GRAMD2B: variants seen among roughly 807,000 people sequenced by gnomAD.
GRAMD2B encodes GRAM domain containing 2B.
GRAMD2B carries 41 observed loss-of-function variants against 59.2 expected under a neutral mutation model. The ratio of observed to expected loss-of-function variants is 0.69; its 90% CI spans 0.54 to 0.90. GRAMD2B has a LOEUF of 0.90. Ranked by LOEUF, GRAMD2B falls within the 40% of genes least tolerant of loss-of-function variation. GRAMD2B has a pLI of 0.00. For missense variants in GRAMD2B, 424 were observed against 500.5 expected (o/e 0.85, Z 1.46); for synonymous variants, 161 against 182.7 (o/e 0.88, Z 0.96).
intron 5 of GRAMD2B, among the ~76,000 whole-genome samples, chr5:126,477,396 A>G (rs185663106): frequency 1.6e-4 from 24 of 152,350 alleles, no homozygotes; most frequent in African/African-American, 4.3e-4. Flanking sequence ...CTTATCTTTA[A>G]AATGAATACA....
chr5:126,436,862 G>T (rs1216696669), intron 1 of GRAMD2B, among the ~76,000 whole-genome samples: 1 of 152,182 alleles, frequency 6.6e-6, no homozygotes, highest in Non-Finnish European at 1.5e-5. Flanking sequence ...GGAGTCAGTT[G>T]CCTACTCTGC....
chr5:126,491,207 G>A (rs1773866681), intron 13 of GRAMD2B, among the ~76,000 whole-genome samples: 1 of 152,132 alleles, frequency 6.6e-6, no homozygotes, highest in Non-Finnish European at 1.5e-5. Context: ...GATTTGGGAT[G>A]TCAGTTCTTT....
chr5:126,430,277 C>T (rs1363407287), intron 1 of GRAMD2B, among the ~76,000 whole-genome samples: 2 of 152,082 alleles, frequency 1.3e-5, no homozygotes, highest in African/African-American at 2.4e-5. Context: ...CATATGTAGC[C>T]GTCATTGGTC....
At chr5:126,429,924 C>T (rs1430239089) in intron 1 of GRAMD2B, among the ~76,000 whole-genome samples, 2 of 152,228 alleles carry the variant, frequency 1.3e-5, no homozygotes, top group African/African-American at 4.8e-5. Flanking sequence ...TCCAATACTT[C>T]TATCCATCAT....
intron 1 of GRAMD2B, among the ~76,000 whole-genome samples, chr5:126,455,649 G>A (rs1561548572): frequency 6.6e-6 from 1 of 152,200 alleles, no homozygotes; most frequent in East Asian, 1.9e-4. Context: ...AGTAATGAAA[G>A]TTTTGATTTC....
At chr5:126,437,132 G>A (rs1337812337) in intron 1 of GRAMD2B, among the ~76,000 whole-genome samples, 2 of 152,206 alleles carry the variant, frequency 1.3e-5, no homozygotes, top group Non-Finnish European at 2.9e-5. Context: ...ATATAGCCAG[G>A]TTTGAGTTTT....
At chr5:126,386,523 C>A (rs889901945) in intron 1 of GRAMD2B, among the ~76,000 whole-genome samples, 10 of 152,306 alleles carry the variant, frequency 6.6e-5, no homozygotes, top group Middle Eastern at 3.4e-3. Context: ...CAGGGACTTT[C>A]ATGAGGTGGA....
chr5:126,488,053 C>T (rs1351395575), intron 12 of GRAMD2B, among the ~76,000 whole-genome samples: 1 of 152,148 alleles, frequency 6.6e-6, no homozygotes, highest in Non-Finnish European at 1.5e-5. Context: ...CTGTGTTATA[C>T]CATTCTAGGA....
At chr5:126,423,721 A>G in intron 1 of GRAMD2B, 32 bp downstream of exon 1, 1 of 1,572,012 alleles carries the variant, frequency 6.4e-7, no homozygotes, top group South Asian at 1.2e-5. Context: ...CCATCCAAGG[A>G]GGTGGGAGGA....
chr5:126,463,010 A>G (rs1010985956), intron 1 of GRAMD2B, among the ~76,000 whole-genome samples: 6 of 152,232 alleles, frequency 3.9e-5, no homozygotes, highest in African/African-American at 1.4e-4. Flanking sequence ...AAACAGGACC[A>G]CCTTATGTGG....
rs983331110 is a variant in GRAMD2B, at chr5:126,466,273, G to C, written c.203+728G>C. 3 of 1,547,092 alleles carry C rather than the reference G, an allele frequency of 1.9e-6. No homozygotes were observed. The South Asian group carries it at 3.6e-5, about 19-fold the overall frequency. On this transcript the variant is annotated intron_variant, in intron 2 of 13. Transcript: ENST00000285689. ...TAAAAGATTATTAACTCCGCTTTTT[G>C]CTTCCTTCCTGGCTTCCCAGCCCAT...
Position 126,438,233 on chromosome 5 carries a change from G to A in GRAMD2B, c.83+14544G>A, listed in dbSNP as rs1048964315. Reference sequence around the variant, plus strand: ...AAGAGAGAAAGGTAAATGGAGGAGCGAAGTCAATGAAAAGTTTTGTTTTTT... The same window carrying A: ...AAGAGAGAAAGGTAAATGGAGGAGCAAAGTCAATGAAAAGTTTTGTTTTTT... On this transcript the variant is annotated intron_variant, in intron 1 of 13. Transcript: ENST00000285689. Among the ~76,000 whole-genome samples the A allele has an allele frequency of 5.0e-4, 76 of 152,276 alleles. 2 individuals are homozygous for A. The highest frequency in any genetic ancestry group is 2.1e-4 in the South Asian group (1 of 4,826).
At chr5:126,474,601 A>C (rs1390052598) in intron 5 of GRAMD2B, among the ~76,000 whole-genome samples, 2 of 152,206 alleles carry the variant, frequency 1.3e-5, no homozygotes, top group Admixed American at 6.5e-5. Flanking sequence ...AATGTGATAT[A>C]GTTCTCAGGA....
intron 5 of GRAMD2B, among the ~76,000 whole-genome samples, chr5:126,473,981 A>C (rs1770102300): frequency 6.6e-6 from 1 of 152,222 alleles, no homozygotes; most frequent in African/African-American, 2.4e-5. Flanking sequence ...GCAGAGACAC[A>C]TGACATCCTG....
At chr5:126,483,818 C>T (rs549928160) in intron 9 of GRAMD2B, among the ~76,000 whole-genome samples, 2 of 152,192 alleles carry the variant, frequency 1.3e-5, no homozygotes, top group African/African-American at 2.4e-5. Flanking sequence ...ATAGACCTAA[C>T]GTTGGGGTGG....
chr5:126,465,381 C>T (rs1768130862), intron 1 of GRAMD2B, 45 bp from the exon 2 acceptor site: 12 of 1,610,126 alleles, frequency 7.5e-6, no homozygotes, highest in African/African-American at 1.3e-5. Context: ...TTCCAGCTAC[C>T]TCTCTCTGAA....
At chr5:126,450,892 G>C (rs1765229635) in intron 1 of GRAMD2B, among the ~76,000 whole-genome samples, 1 of 152,204 alleles carries the variant, frequency 6.6e-6, no homozygotes, top group Non-Finnish European at 1.5e-5. Context: ...ACATACCCAG[G>C]CAGAAGCCTG....
chr5:126,393,874 C>T (rs1425424340), intron 1 of GRAMD2B, among the ~76,000 whole-genome samples: 4 of 152,144 alleles, frequency 2.6e-5, no homozygotes, highest in Non-Finnish European at 4.4e-5. Flanking sequence ...CCAGGCCTTC[C>T]ATGAACCATC....
chr5:126,492,001 G>A (rs1001610608), intron 13 of GRAMD2B, among the ~76,000 whole-genome samples: 9 of 152,166 alleles, frequency 5.9e-5, no homozygotes, highest in Admixed American at 5.9e-4. Flanking sequence ...CCAAAGTGCT[G>A]GGATTACAGG....
Sources: gnomAD v4.1 joint callset for allele counts (sites outside exome capture counted in the v4.1 genomes callset) on GRCh38, gnomAD v4.1.1 for gene constraint, MANE v1.5 for transcripts, NCBI Gene and HGNC (gene_info 2026-07-23, HGNC 2026-07-21) for gene names.